The following GNAL variants were observed in gnomAD, a reference collection of about 807,000 sequenced individuals.
GNAL encodes G protein subunit alpha L, also known as guanine nucleotide-binding protein G(olf) subunit alpha.
Under a neutral mutation model 55.1 loss-of-function variants are expected in GNAL, and 18 were observed. The observed-to-expected ratio is 0.33, with a 90% CI of 0.23 to 0.48. The LOEUF (loss-of-function observed/expected upper bound fraction) is 0.48, where lower values mean the gene tolerates loss of function less well. Among genes scored for constraint, GNAL ranks in the 20% least tolerant of loss-of-function variants. The pLI, the probability that GNAL is intolerant of heterozygous loss-of-function variation, is 0.99. For missense variants in GNAL, 412 were observed against 614.1 expected, an observed-to-expected ratio of 0.67 and a Z score of 3.48; for synonymous variants, 253 against 237.0, an observed-to-expected ratio of 1.07 and a Z score of -0.62.
At chr18:11,865,929 G>A (rs181840695) in intron 7 of GNAL, among the ~76,000 whole-genome samples, 1 of 149,102 alleles carries the variant, frequency 6.7e-6, no homozygotes. Context: ...CAAGGGTGAG[G>A]TCCCTTAAAG....
chr18:11,809,444 T>G (rs759226546), intron 4 of GNAL, among the ~76,000 whole-genome samples: 2 of 152,164 alleles, frequency 1.3e-5, no homozygotes, highest in African/African-American at 2.4e-5. Context: ...TTGAATTGTA[T>G]GGTATATAAA....
intron 1 of GNAL, among the ~76,000 whole-genome samples, chr18:11,711,350 G>C (rs1048761767): frequency 9.2e-5 from 14 of 151,700 alleles, no homozygotes; most frequent in African/African-American, 3.4e-4. Flanking sequence ...ACATTGATTA[G>C]CTTAATGGTG....
chr18:11,884,736 G>A lies in GNAL; in HGVS notation c.*3601G>A, dbSNP rs1209547715. 3 of 1,347,250 alleles carry A rather than the reference G, an allele frequency of 2.2e-6. No individual in the cohort carries two copies. Among genetic ancestry groups the A allele is most frequent in the Non-Finnish European group, 3.0e-6 (3 of 986,400 alleles). 83.5% of individuals were successfully genotyped at this position (1,347,250 alleles called of 1,614,324 possible). On this transcript the variant is annotated 3_prime_UTR_variant, in exon 12 of 12. Coordinates refer to ENST00000334049, the MANE Select transcript of GNAL (RefSeq NM_182978.4). ...GCCTTCTCAGGTCCCCCTCAGGTGA[G>A]GCAGGGAACGGGCCCTCCTCACCTG...
At chr18:11,768,161 G>A (rs2033470496) in intron 4 of GNAL, among the ~76,000 whole-genome samples, 1 of 152,132 alleles carries the variant, frequency 6.6e-6, no homozygotes, top group African/African-American at 2.4e-5. Flanking sequence ...ATGGCATTTG[G>A]CATATAGTTA....
chr18:11,790,390 C>CT lies in GNAL; in HGVS notation c.625-34527dup, dbSNP rs1450451500. The stretch of plus-strand genomic sequence containing the variant: ...CACGATTCCCCCAGCTTCCAACACT[C>CT]TGACATCAATGTGTCCTTGGGGATG... On this transcript the variant is annotated intron_variant, in intron 4 of 11. Coordinates refer to ENST00000334049, the MANE Select transcript of GNAL (RefSeq NM_182978.4). Among the ~76,000 whole-genome samples the CT allele has an allele frequency of 2.0e-5, 3 of 152,350 alleles. No individual in the cohort carries two copies. In the East Asian group the frequency reaches 5.8e-4, roughly 29 times the overall value.
intron 1 of GNAL, among the ~76,000 whole-genome samples, chr18:11,716,147 TG>T (rs1310260306): frequency 6.6e-5 from 10 of 152,238 alleles, no homozygotes; most frequent in Admixed American, 3.9e-4. Flanking sequence ...ATCTCATTAC[TG>T]GGTATATACC....
chr18:11,759,713 C>T lies in GNAL; in HGVS notation c.624+5768C>T, dbSNP rs115053083. Among the ~76,000 whole-genome samples the T allele has an allele frequency of 8.6e-3, 1,313 of 152,354 alleles. 15 individuals are homozygous for T. The highest frequency in any genetic ancestry group is 0.03 in the African/African-American group (1,242 of 41,584). ...TGCATAGAGAGCCAAGTGCGGTGCC[C>T]AGCCCAGGGAGTGCCATGCAGAGCT... On this transcript the variant is annotated intron_variant, in intron 4 of 11. Transcript: ENST00000334049.
intron 1 of GNAL, 81 bp downstream of exon 1, chr18:11,690,020 T>A (rs9675415): frequency 2.3e-6 from 2 of 880,698 alleles, no homozygotes; most frequent in Non-Finnish European, 2.9e-6. Flanking sequence ...CGGGGAGCGG[T>A]GGCGGGCACC....
chr18:11,862,413 C>T lies in GNAL; in HGVS notation c.741C>T (p.Asp247=). 6.2e-7 allele frequency: 1 copy of T among 1,613,690 alleles called. No individual in the cohort carries two copies. The highest frequency in any genetic ancestry group is 8.5e-7 in the Non-Finnish European group (1 of 1,179,608). Residue 247 remains aspartate, a synonymous_variant, in exon 6 of 12, where the codon GAC becomes GAT. Coordinates refer to ENST00000334049, the MANE Select transcript of GNAL (RefSeq NM_182978.4). ...TTTGCAGCTTCCTGGAAAGAATCGACAGCGTCAGCTTGGTTGACTACACAC... is the reference window on the plus strand; with the variant it reads ...TTTGCAGCTTCCTGGAAAGAATCGATAGCGTCAGCTTGGTTGACTACACAC... ...DCAQYFLERI[D]SVSLVDYTPT...
intron 5 of GNAL, among the ~76,000 whole-genome samples, chr18:11,825,828 T>C (rs2035229342): frequency 6.6e-6 from 1 of 152,016 alleles, no homozygotes; most frequent in African/African-American, 2.4e-5. Context: ...TTTGCTATGT[T>C]AGATATATTC....
intron 1 of GNAL, among the ~76,000 whole-genome samples, chr18:11,690,927 C>T (rs2031227368): frequency 6.7e-6 from 1 of 149,132 alleles, no homozygotes; most frequent in African/African-American, 2.6e-5. Context: ...CGTACGTGTG[C>T]ATGTGTCTTT....
chr18:11,840,215 C>T (rs1435060780), intron 5 of GNAL, among the ~76,000 whole-genome samples: 1 of 152,192 alleles, frequency 6.6e-6, no homozygotes, highest in African/African-American at 2.4e-5. Context: ...ATTTCTCATT[C>T]TATTCGATAT....
chr18:11,851,307 T>A (rs2035856316), intron 5 of GNAL: 4 of 573,530 alleles, frequency 7.0e-6, no homozygotes, highest in Non-Finnish European at 8.7e-6. Flanking sequence ...GCGTCTTACG[T>A]CCCACAGGCC....
intron 4 of GNAL, among the ~76,000 whole-genome samples, chr18:11,755,521 C>T (rs1269031185): frequency 2.6e-5 from 4 of 152,150 alleles, no homozygotes; most frequent in East Asian, 1.9e-4. Context: ...ATGATCCACC[C>T]GCCTCGGCCT....
intron 1 of GNAL, among the ~76,000 whole-genome samples, chr18:11,721,887 A>G (rs559333286): frequency 2.2e-5 from 3 of 137,358 alleles, no homozygotes; most frequent in African/African-American, 5.6e-5. Context: ...ACTCTGTCTC[A>G]AAAAATAAAT....
At chr18:11,828,253 T>C (rs9955115) in intron 5 of GNAL, among the ~76,000 whole-genome samples, 46,362 of 151,882 alleles carry the variant, frequency 0.31, 8,470 homozygotes, top group African/African-American at 0.51. Flanking sequence ...TAAGGCACAA[T>C]AGAAGCTGGG....
chr18:11,823,285 G>A (rs1056111661), intron 4 of GNAL, among the ~76,000 whole-genome samples: 1 of 152,128 alleles, frequency 6.6e-6, no homozygotes, highest in Non-Finnish European at 1.5e-5. Context: ...ATAAACCTAG[G>A]GAGACAAGAT....
chr18:11,749,182 G>A (rs2032758981), intron 1 of GNAL, among the ~76,000 whole-genome samples: 1 of 149,064 alleles, frequency 6.7e-6, no homozygotes. Flanking sequence ...ACTAGTCATA[G>A]CGCATGCTGG....
intron 4 of GNAL, among the ~76,000 whole-genome samples, chr18:11,802,036 A>T (rs1361971975): frequency 6.6e-6 from 1 of 152,164 alleles, no homozygotes; most frequent in Non-Finnish European, 1.5e-5. Flanking sequence ...TAACTTTTTC[A>T]AATATAAACT....
Sources: gnomAD v4.1 joint callset for allele counts (sites outside exome capture counted in the v4.1 genomes callset) on GRCh38, gnomAD v4.1.1 for gene constraint, MANE v1.5 for transcripts, NCBI Gene and HGNC (gene_info 2026-07-23, HGNC 2026-07-21) for gene names.